ADGRB3: variants seen among roughly 807,000 people sequenced by gnomAD.
ADGRB3 encodes adhesion G protein-coupled receptor B3.
A neutral mutation model predicts 193.4 loss-of-function variants in ADGRB3; 37 were observed. The ratio of observed to expected loss-of-function variants is 0.19; its 90% CI spans 0.15 to 0.25. ADGRB3 has a LOEUF of 0.25. Among genes scored for constraint, ADGRB3 ranks in the 10% least tolerant of loss-of-function variants. The probability of loss-of-function intolerance (pLI) is 1.00; values close to 1 mark genes in which losing one functional copy is unlikely to be tolerated. For synonymous variants in ADGRB3, 690 were observed against 644.2 expected, an observed-to-expected ratio of 1.07 and a Z score of -1.08; for missense variants, 1,637 against 1,852.9, an observed-to-expected ratio of 0.88 and a Z score of 2.14.
chr6:68,876,503 T>C (rs1765599093), intron 3 of ADGRB3, among the ~76,000 whole-genome samples: 2 of 152,194 alleles, frequency 1.3e-5, no homozygotes, highest in Admixed American at 1.3e-4. Flanking sequence ...GCTAAATATA[T>C]AGTCGCAGCA....
intron 3 of ADGRB3, among the ~76,000 whole-genome samples, chr6:68,646,764 C>T (rs1027277641): frequency 2.6e-5 from 4 of 152,090 alleles, no homozygotes; most frequent in Admixed American, 1.3e-4. Context: ...TATGGGTCTG[C>T]AAAGTTTTGA....
chr6:68,777,777 A>G (rs1263962413), intron 3 of ADGRB3, among the ~76,000 whole-genome samples: 1 of 151,980 alleles, frequency 6.6e-6, no homozygotes, highest in Non-Finnish European at 1.5e-5. Context: ...CTGACTCCCA[A>G]CTGAGAAGAG....
In ADGRB3 at chr6:69,031,105, T is replaced by A. The variant is rs865851369; in HGVS notation, c.2107+12606T>A. ...TCTTCTCTTCTCTTCTCTTCTCTTC[T>A]CTTCTCTTCTCTCTCTTCTCTCTGT... On this transcript the variant is annotated intron_variant, in intron 13 of 31. Coordinates refer to ENST00000370598, the MANE Select transcript of ADGRB3 (RefSeq NM_001704.3). Among the ~76,000 whole-genome samples the A allele has an allele frequency of 2.5e-5, 2 of 78,534 alleles. 1 individual carries two copies. Among genetic ancestry groups the A allele is most frequent in the Non-Finnish European group, 5.8e-5 (2 of 34,288 alleles). 51.5% of individuals were successfully genotyped at this position (78,534 alleles called of 152,430 possible).
intron 20 of ADGRB3, among the ~76,000 whole-genome samples, chr6:69,264,434 A>G (rs1005333423): frequency 6.6e-6 from 1 of 151,740 alleles, no homozygotes; most frequent in African/African-American, 2.4e-5. Context: ...TCTTAGCTAT[A>G]TCTTTTATAC....
At chr6:69,120,245 G>A (rs1773646070) in intron 17 of ADGRB3, among the ~76,000 whole-genome samples, 1 of 152,152 alleles carries the variant, frequency 6.6e-6, no homozygotes, top group South Asian at 2.1e-4. Flanking sequence ...ATTGAAATGT[G>A]GTCCCTGAAT....
At chr6:69,241,837 C>T (rs779457) in intron 20 of ADGRB3, among the ~76,000 whole-genome samples, 147,909 of 151,936 alleles carry the variant, frequency 0.97, 72,001 homozygotes, top group East Asian at 1. Flanking sequence ...TTGATGCATT[C>T]GGGGAGGAGT....
At chr6:69,318,028 A>AG (rs2127304165) in intron 20 of ADGRB3, among the ~76,000 whole-genome samples, 1 of 151,560 alleles carries the variant, frequency 6.6e-6, no homozygotes, top group East Asian at 1.9e-4. Flanking sequence ...TTTTCTAATA[A>AG]GGAGATATAT....
chr6:69,347,123 T>C (rs1769111818), intron 26 of ADGRB3, among the ~76,000 whole-genome samples: 1 of 152,122 alleles, frequency 6.6e-6, no homozygotes, highest in African/African-American at 2.4e-5. Context: ...AACCAAACAC[T>C]GCACGTTCTC....
chr6:69,197,525 A>T (rs1483230508), intron 17 of ADGRB3, among the ~76,000 whole-genome samples: 2 of 152,020 alleles, frequency 1.3e-5, no homozygotes, highest in Non-Finnish European at 1.5e-5. Flanking sequence ...ACAAACAGAT[A>T]TATCGATGAG....
At chr6:69,029,879 C>A (rs559438435) in intron 13 of ADGRB3, among the ~76,000 whole-genome samples, 1 of 151,432 alleles carries the variant, frequency 6.6e-6, no homozygotes, top group South Asian at 2.1e-4. Context: ...ACAAACAACC[C>A]CATCAAAAAG....
intron 3 of ADGRB3, among the ~76,000 whole-genome samples, chr6:68,785,951 T>C (rs1766958972): frequency 6.6e-6 from 1 of 152,210 alleles, no homozygotes; most frequent in Non-Finnish European, 1.5e-5. Flanking sequence ...TGCATAAATG[T>C]CTTCTTTTGA....
intron 3 of ADGRB3, among the ~76,000 whole-genome samples, chr6:68,855,641 C>A (rs1349925730): frequency 6.6e-6 from 1 of 152,052 alleles, no homozygotes; most frequent in East Asian, 1.9e-4. Context: ...AAAAACTTTA[C>A]TCTTCAAAGA....
Position 69,259,104 on chromosome 6 carries a change from G to A in ADGRB3, c.2814+19878G>A, listed in dbSNP as rs900790969. On this transcript the variant is annotated intron_variant, in intron 20 of 31. Coordinates refer to ENST00000370598, the MANE Select transcript of ADGRB3 (RefSeq NM_001704.3). ...TATTAAACACTTTGACCTTCCTGGA[G>A]AAAAGCACATGATATTAAAAGACAG... Among the ~76,000 whole-genome samples the A allele has an allele frequency of 3.9e-5, 6 of 152,242 alleles. No homozygotes were observed. The South Asian group carries it at 1.0e-3, about 26-fold the overall frequency.
intron 10 of ADGRB3, among the ~76,000 whole-genome samples, chr6:68,990,362 A>G (rs946662728): frequency 1.3e-5 from 2 of 152,120 alleles, no homozygotes; most frequent in African/African-American, 4.8e-5. Flanking sequence ...GAATAGTCTC[A>G]CCAGTGTGTA....
intron 3 of ADGRB3, among the ~76,000 whole-genome samples, chr6:68,685,037 T>A (rs571868076): frequency 6.6e-6 from 1 of 152,286 alleles, no homozygotes; most frequent in African/African-American, 2.4e-5. Flanking sequence ...ACTAAAAGTT[T>A]TCAACATATT....
In ADGRB3 at chr6:68,909,258, A is replaced by G. The variant is rs568362462; in HGVS notation, c.758-21301A>G. Among the ~76,000 whole-genome samples the G allele has an allele frequency of 3.3e-5, 5 of 152,280 alleles. No individual in the cohort carries two copies. In the East Asian group the frequency reaches 5.8e-4, roughly 18 times the overall value. On this transcript the variant is annotated intron_variant, in intron 3 of 31. Transcript: ENST00000370598. ...GGTGGACACATAATATATTTTTTCT[A>G]GCATTTTATATTTTCTATTATGAAC...
intron 17 of ADGRB3, among the ~76,000 whole-genome samples, chr6:69,134,069 C>G (rs2150335256): frequency 6.6e-6 from 1 of 152,116 alleles, no homozygotes; most frequent in Middle Eastern, 3.4e-3. Flanking sequence ...ACCTCATTTT[C>G]TTTATCCATT....
At chr6:68,734,882 T>A (rs1163328256) in intron 3 of ADGRB3, among the ~76,000 whole-genome samples, 1 of 152,180 alleles carries the variant, frequency 6.6e-6, no homozygotes, top group South Asian at 2.1e-4. Context: ...TGAGGTCATC[T>A]GAAAGGACCT....
At chr6:69,156,634 T>C (rs533294614) in intron 17 of ADGRB3, among the ~76,000 whole-genome samples, 1 of 152,284 alleles carries the variant, frequency 6.6e-6, no homozygotes, top group Admixed American at 6.5e-5. Context: ...GAGAACAACA[T>C]GATGGCTGAT....
Sources: allele counts gnomAD v4.1 joint callset (sites outside exome capture counted in the v4.1 genomes callset), GRCh38; gene constraint gnomAD v4.1.1; transcripts MANE v1.5; gene names NCBI Gene and HGNC (gene_info 2026-07-23, HGNC 2026-07-21).